The following IQCM variants were observed in gnomAD, a reference collection of about 807,000 sequenced individuals.
IQCM encodes IQ domain-containing protein M.
A neutral mutation model predicts 57.6 loss-of-function variants in IQCM; 45 were observed. That is an observed-to-expected ratio of 0.78 (90% confidence interval 0.62 to 1.00). The LOEUF is 1.00. Among genes scored for constraint, IQCM ranks in the 50% least tolerant of loss-of-function variants. IQCM has a pLI of 0.00. For missense variants in IQCM, 468 were observed against 511.6 expected (o/e 0.91, Z 0.82); for synonymous variants, 148 against 158.9 (o/e 0.93, Z 0.51).
intron 13 of IQCM, among the ~76,000 whole-genome samples, chr4:149,369,518 A>G (rs73859736): frequency 0.028 from 4,189 of 152,256 alleles, 205 homozygotes; most frequent in African/African-American, 0.096. Flanking sequence ...CTTAACCTTC[A>G]TTTGTTTTAC....
intron 12 of IQCM, among the ~76,000 whole-genome samples, chr4:149,445,173 C>A (rs977582889): frequency 1.3e-5 from 2 of 151,752 alleles, no homozygotes; most frequent in African/African-American, 2.4e-5. Flanking sequence ...CACTTCTTTC[C>A]TGAACATTAG....
intron 12 of IQCM, among the ~76,000 whole-genome samples, chr4:149,544,192 A>G (rs1560972222): frequency 6.6e-6 from 1 of 152,200 alleles, no homozygotes; most frequent in Non-Finnish European, 1.5e-5. Flanking sequence ...TAAACACAGT[A>G]GAAAGCCAGA....
At chr4:149,387,527 A>G (rs188218128) in intron 13 of IQCM, among the ~76,000 whole-genome samples, 4 of 151,990 alleles carry the variant, frequency 2.6e-5, no homozygotes, top group Admixed American at 2.6e-4. Context: ...ATTCTCTCAT[A>G]TTTATTTGCT....
At chr4:149,456,403 A>G (rs1178347683) in intron 12 of IQCM, among the ~76,000 whole-genome samples, 1 of 152,138 alleles carries the variant, frequency 6.6e-6, no homozygotes, top group East Asian at 1.9e-4. Flanking sequence ...TTGCATATAC[A>G]AAATGAGATA....
intron 5 of IQCM, among the ~76,000 whole-genome samples, chr4:149,694,898 A>T (rs1763227003): frequency 6.6e-6 from 1 of 152,226 alleles, no homozygotes; most frequent in African/African-American, 2.4e-5. Flanking sequence ...CTGAATAATC[A>T]TAAAATGGTT....
chr4:149,491,651 C>G lies in IQCM; in HGVS notation c.1228+56804G>C, dbSNP rs540638257. Among the ~76,000 whole-genome samples, 11 of 152,158 alleles carry G rather than the reference C, an allele frequency of 7.2e-5. No individual in the cohort carries two copies. The East Asian group carries it at 2.1e-3, about 29-fold the overall frequency. ...TACATATAAGATTTTTTTATCCATT[C>G]ATCCATTTATGGATACTTAGGTTGA... On this transcript the variant is annotated intron_variant, in intron 12 of 13. Coordinates refer to ENST00000636793, the MANE Select transcript of IQCM (RefSeq NM_001363507.2).
intron 7 of IQCM, among the ~76,000 whole-genome samples, chr4:149,622,222 T>G (rs1756399840): frequency 6.6e-6 from 1 of 152,318 alleles, no homozygotes; most frequent in Non-Finnish European, 1.5e-5. Flanking sequence ...CATTTTAACT[T>G]TATATATATT....
At chr4:149,672,523 A>G (rs1213341846) in intron 7 of IQCM, among the ~76,000 whole-genome samples, 1 of 152,210 alleles carries the variant, frequency 6.6e-6, no homozygotes, top group Non-Finnish European at 1.5e-5. Context: ...AAGAAAGGGT[A>G]TCAATGATTG....
chr4:149,626,427 A>ACAT (rs1756815709), intron 7 of IQCM, among the ~76,000 whole-genome samples: 1 of 141,250 alleles, frequency 7.1e-6, no homozygotes, highest in African/African-American at 2.6e-5. Flanking sequence ...AATAAGACAT[A>ACAT]CTATTTTGCT....
chr4:149,437,509 T>C (rs1338348851), intron 12 of IQCM, among the ~76,000 whole-genome samples: 1 of 152,024 alleles, frequency 6.6e-6, no homozygotes, highest in Non-Finnish European at 1.5e-5. Context: ...CTCAGGTAAG[T>C]GAGGCTCGTT....
intron 11 of IQCM, 44 bp downstream of exon 11, chr4:149,553,093 TAAATTA>T: frequency 8.2e-7 from 1 of 1,216,578 alleles, no homozygotes; most frequent in Non-Finnish European, 1.0e-6. Context: ...TTCCAATGGC[TAAATTA>T]ACTCCAAACT....
chr4:149,565,763 G>C (rs1750565196), intron 9 of IQCM, among the ~76,000 whole-genome samples: 1 of 151,974 alleles, frequency 6.6e-6, no homozygotes, highest in East Asian at 1.9e-4. Context: ...TATAACTGAG[G>C]CTGCTAGTTC....
intron 13 of IQCM, among the ~76,000 whole-genome samples, chr4:149,428,280 G>A (rs917778312): frequency 1.3e-4 from 19 of 151,748 alleles, no homozygotes; most frequent in African/African-American, 2.7e-4. Flanking sequence ...TCTGGGATGC[G>A]TATTTTTAAA....
At position 149,378,591 on chromosome 4, in the gene IQCM, A is replaced by C. The variant is rs184327672; in HGVS notation, c.1391-26525T>G. Reference sequence around the variant, plus strand: ...ACTTTGAACTTGAGAGAGAGAACTTAGGGTATCTGGCAGAAGATATTTCTA... The same window carrying C: ...ACTTTGAACTTGAGAGAGAGAACTTCGGGTATCTGGCAGAAGATATTTCTA... On this transcript the variant is annotated intron_variant, in intron 13 of 13. Transcript: ENST00000636793. Among the ~76,000 whole-genome samples, 434 of 152,262 alleles carry C rather than the reference A, an allele frequency of 2.9e-3. 1 individual carries two copies. Among genetic ancestry groups the C allele is most frequent in the Middle Eastern group, 6.8e-3 (2 of 294 alleles).
At chr4:149,764,107 A>G (rs1769803039) in intron 2 of IQCM, among the ~76,000 whole-genome samples, 2 of 152,152 alleles carry the variant, frequency 1.3e-5, no homozygotes, top group Non-Finnish European at 2.9e-5. Flanking sequence ...GGGCACAACA[A>G]CAAATTGCCA....
At position 149,732,022 on chromosome 4, in the gene IQCM, C is replaced by G. The variant is rs184185136; in HGVS notation, c.385+1222G>C. ...CTAATTTAGGCCCTGTCATCTCTCA[C>G]CTGGACAGCCTCCTCACTTAGCTCT... On this transcript the variant is annotated intron_variant, in intron 5 of 13. Transcript: ENST00000636793. 2.6e-5 allele frequency among the ~76,000 whole-genome samples: 4 copies of G among 152,218 alleles called. No individual in the cohort carries two copies. In the East Asian group the frequency reaches 7.8e-4, roughly 29 times the overall value.
At chr4:149,728,382 T>G (rs1172524141) in intron 5 of IQCM, among the ~76,000 whole-genome samples, 1 of 152,250 alleles carries the variant, frequency 6.6e-6, no homozygotes, top group African/African-American at 2.4e-5. Flanking sequence ...TGATATCTGT[T>G]TCCCTAGCTA....
chr4:149,766,246 C>A (rs1770043785), intron 2 of IQCM, among the ~76,000 whole-genome samples: 2 of 152,066 alleles, frequency 1.3e-5, no homozygotes, highest in African/African-American at 4.8e-5. Flanking sequence ...CAAGTTAAAG[C>A]AAAACTTGGC....
chr4:149,762,700 T>A (rs1161781843), intron 2 of IQCM, among the ~76,000 whole-genome samples: 2 of 152,094 alleles, frequency 1.3e-5, no homozygotes, highest in Non-Finnish European at 1.5e-5. Context: ...CATGAGGGAT[T>A]TGAAAAAATA....
Sources: allele counts gnomAD v4.1 joint callset (sites outside exome capture counted in the v4.1 genomes callset), GRCh38; gene constraint gnomAD v4.1.1; transcripts MANE v1.5; gene names NCBI Gene and HGNC (gene_info 2026-07-23, HGNC 2026-07-21).